KCNH8: variants seen among roughly 807,000 people sequenced by gnomAD.
The protein encoded by KCNH8 is potassium voltage-gated channel subfamily H member 8, also known as voltage-gated delayed rectifier potassium channel KCNH8.
A neutral mutation model predicts 103.6 loss-of-function variants in KCNH8; 70 were observed. The observed-to-expected ratio is 0.68, with a 90% CI of 0.56 to 0.82. The LOEUF (loss-of-function observed/expected upper bound fraction) is 0.82. KCNH8 is among the 40% of genes least tolerant of loss of function. The pLI is 0.00. For missense variants in KCNH8, 1,217 were observed against 1,329.9 expected (o/e 0.92, Z 1.32); for synonymous variants, 498 against 489.4 (o/e 1.02, Z -0.23).
chr3:19,222,948 A>T (rs1272340880), intron 1 of KCNH8, among the ~76,000 whole-genome samples: 1 of 152,162 alleles, frequency 6.6e-6, no homozygotes, highest in Admixed American at 6.5e-5. Context: ...AAATCCTTTA[A>T]GTCCTTTAGA....
intron 11 of KCNH8, among the ~76,000 whole-genome samples, chr3:19,463,545 T>C (rs1295946407): frequency 6.6e-6 from 1 of 151,740 alleles, no homozygotes; most frequent in East Asian, 1.9e-4. Flanking sequence ...AATATAAAAA[T>C]GAAAATAAAA....
chr3:19,314,503 G>A (rs2065247818), intron 3 of KCNH8, among the ~76,000 whole-genome samples: 1 of 152,040 alleles, frequency 6.6e-6, no homozygotes, highest in African/African-American at 2.4e-5. Context: ...CCAGAACGTT[G>A]ATGCTACAAT....
rs1179137102 is a variant in KCNH8, at chr3:19,468,836, T to A, written c.2040+11854T>A. 1.3e-5 allele frequency among the ~76,000 whole-genome samples: 2 copies of A among 152,206 alleles called. 1 individual carries two copies. The highest frequency in any genetic ancestry group is 2.9e-5 in the Non-Finnish European group (2 of 68,030). On this transcript the variant is annotated intron_variant, in intron 11 of 15. Transcript: ENST00000328405. ...TTAGATAAAAACAAGCCTGACTAGA[T>A]CTTTCGAATGAAGTTTTTGATTTGC...
At chr3:19,352,200 G>A (rs2065812802) in intron 5 of KCNH8, among the ~76,000 whole-genome samples, 1 of 152,126 alleles carries the variant, frequency 6.6e-6, no homozygotes, top group African/African-American at 2.4e-5. Flanking sequence ...AAACATATAT[G>A]CACACAATAC....
chr3:19,388,725 T>C (rs2066393125), intron 5 of KCNH8, among the ~76,000 whole-genome samples: 3 of 152,146 alleles, frequency 2.0e-5, no homozygotes. Context: ...CACCCAGGAC[T>C]TGCCTCTAGA....
chr3:19,429,441 TG>T (rs907491224), intron 7 of KCNH8, among the ~76,000 whole-genome samples: 58 of 152,322 alleles, frequency 3.8e-4, no homozygotes, highest in African/African-American at 1.4e-3. Context: ...CCCAAAGTGC[TG>T]GGATTACAGG....
chr3:19,246,843 G>A (rs2064212926), intron 1 of KCNH8, among the ~76,000 whole-genome samples: 1 of 152,130 alleles, frequency 6.6e-6, no homozygotes, highest in African/African-American at 2.4e-5. Context: ...TTCCACCTGA[G>A]GGTGATGTTG....
rs778834389 is a variant in KCNH8 at position 19,451,226 on chromosome 3, G to A, written c.1647G>A (p.Leu549=). The change falls in exon 10 of 16, where the codon TTG becomes TTA. Residue 549 remains leucine (L), a synonymous_variant. Coordinates refer to ENST00000328405, the MANE Select transcript of KCNH8 (RefSeq NM_144633.3). The part of the protein sequence containing the change: ...TMHLNKEILQ[L]SLFECASRGC... ...ACTTGAACAAGGAGATCTTACAGTTGTCCCTTTTTGAATGTGCCAGCCGGG... is the reference window on the plus strand; with the variant it reads ...ACTTGAACAAGGAGATCTTACAGTTATCCCTTTTTGAATGTGCCAGCCGGG... 1.1e-5 allele frequency: 18 copies of A among 1,613,788 alleles called. No individual in the cohort carries two copies. Among genetic ancestry groups the A allele is most frequent in the Non-Finnish European group, 1.5e-5 (18 of 1,179,732 alleles).
At chr3:19,474,890 T>C (rs1329485242) in intron 11 of KCNH8, among the ~76,000 whole-genome samples, 1 of 152,170 alleles carries the variant, frequency 6.6e-6, no homozygotes, top group Non-Finnish European at 1.5e-5. Flanking sequence ...ATATTCAGTC[T>C]TCCATCTTGA....
intron 8 of KCNH8, among the ~76,000 whole-genome samples, chr3:19,440,691 C>T (rs1022976242): frequency 6.6e-6 from 1 of 152,100 alleles, no homozygotes; most frequent in Non-Finnish European, 1.5e-5. Flanking sequence ...CACAGCCAAA[C>T]CATATCAAGT....
intron 1 of KCNH8, among the ~76,000 whole-genome samples, chr3:19,212,495 C>T (rs6797189): frequency 0.028 from 4,219 of 152,272 alleles, 200 homozygotes; most frequent in African/African-American, 0.094. Flanking sequence ...TTCTTATCTT[C>T]ATTAGAATTT....
chr3:19,328,861 C>G (rs934711982), intron 3 of KCNH8, among the ~76,000 whole-genome samples: 5 of 152,084 alleles, frequency 3.3e-5, no homozygotes, highest in African/African-American at 1.2e-4. Context: ...ATACAATATG[C>G]AGGGACTTTT....
chr3:19,217,365 A>G (rs995824495), intron 1 of KCNH8, among the ~76,000 whole-genome samples: 3 of 152,216 alleles, frequency 2.0e-5, no homozygotes, highest in South Asian at 4.1e-4. Context: ...ATTAGCATAC[A>G]TATTGTTTTC....
intron 8 of KCNH8, among the ~76,000 whole-genome samples, chr3:19,446,283 T>TTGGA (rs1354978929): frequency 6.6e-6 from 1 of 151,736 alleles, no homozygotes; most frequent in African/African-American, 2.4e-5. Flanking sequence ...GCCTTGGAGG[T>TTGGA]TGGATAAAGC....
intron 1 of KCNH8, among the ~76,000 whole-genome samples, chr3:19,231,847 T>C (rs994418054): frequency 2.6e-5 from 4 of 152,212 alleles, no homozygotes; most frequent in African/African-American, 9.6e-5. Context: ...CTTGTCTTCA[T>C]TTGCAAACAT....
At chr3:19,265,263 A>G (rs1237295521) in intron 2 of KCNH8, among the ~76,000 whole-genome samples, 1 of 152,100 alleles carries the variant, frequency 6.6e-6, no homozygotes, top group African/African-American at 2.4e-5. Flanking sequence ...CAAATGAGAT[A>G]ACCACTTTTC....
At chr3:19,159,367 C>A (rs1017210465) in intron 1 of KCNH8, among the ~76,000 whole-genome samples, 10 of 151,538 alleles carry the variant, frequency 6.6e-5, no homozygotes, top group African/African-American at 2.4e-4. Flanking sequence ...TATATATACA[C>A]ATATATGATA....
At chr3:19,387,080 C>T (rs1458420242) in intron 5 of KCNH8, among the ~76,000 whole-genome samples, 1 of 152,138 alleles carries the variant, frequency 6.6e-6, no homozygotes, top group Non-Finnish European at 1.5e-5. Flanking sequence ...ACCACCACAT[C>T]CTCACCACTG....
intron 1 of KCNH8, among the ~76,000 whole-genome samples, chr3:19,193,201 T>C (rs956203373): frequency 9.9e-5 from 15 of 151,710 alleles, no homozygotes; most frequent in African/African-American, 3.4e-4. Context: ...AAACATTTTC[T>C]AATGCCGATA....
Sources: allele counts gnomAD v4.1 joint callset (sites outside exome capture counted in the v4.1 genomes callset), GRCh38; gene constraint gnomAD v4.1.1; transcripts MANE v1.5; gene names NCBI Gene and HGNC (gene_info 2026-07-23, HGNC 2026-07-21).